The following IMMP2L variants were observed in gnomAD, a reference collection of about 807,000 sequenced individuals.
IMMP2L encodes the protein inner mitochondrial membrane peptidase subunit 2, also known as mitochondrial inner membrane protease subunit 2.
In IMMP2L, 18 loss-of-function variants were observed where a neutral mutation model predicts 19.3. The observed-to-expected ratio is 0.93, with a 90% CI of 0.64 to 1.38. The LOEUF (loss-of-function observed/expected upper bound fraction) is 1.38, where lower values mean the gene tolerates loss of function less well. IMMP2L is among the 40% of genes most tolerant of loss of function. The pLI, the probability that IMMP2L is intolerant of heterozygous loss-of-function variation, is 0.00. For synonymous variants in IMMP2L, 76 were observed against 73.0 expected (o/e 1.04, Z -0.21); for missense variants, 233 against 218.2 (o/e 1.07, Z -0.43).
chr7:111,124,844 G>A (rs1386970858), intron 3 of IMMP2L: 1 of 1,589,052 alleles, frequency 6.3e-7, no homozygotes, highest in East Asian at 2.3e-5. Context: ...AAAGAAAAAA[G>A]TACATCACTG....
intron 3 of IMMP2L, among the ~76,000 whole-genome samples, chr7:111,214,515 T>G (rs940282122): frequency 6.9e-5 from 10 of 144,106 alleles, no homozygotes; most frequent in Non-Finnish European, 9.1e-5. Flanking sequence ...TTTTTTTTTT[T>G]TTTTTTTTTT....
Position 110,924,971 on chromosome 7 carries a change from A to G in IMMP2L, c.306-38276T>C, listed in dbSNP as rs1303772869. Reference sequence around the variant, plus strand: ...TAAAAACTTTCAACTACATCTAACCATTCATAGTTATGCATGATAAGGGAA... The same window carrying G: ...TAAAAACTTTCAACTACATCTAACCGTTCATAGTTATGCATGATAAGGGAA... On this transcript the variant is annotated intron_variant, in intron 4 of 5. Coordinates refer to ENST00000405709, the MANE Select transcript of IMMP2L (RefSeq NM_032549.4). This position sits in a 1 kb window ranked among gnomAD's most constrained non-coding sequence, Gnocchi z 4.2. Among the ~76,000 whole-genome samples, 2 of 152,180 alleles carry G rather than the reference A, an allele frequency of 1.3e-5. No homozygotes were observed. The highest frequency in any genetic ancestry group is 3.2e-3 in the Middle Eastern group (1 of 316).
chr7:110,667,649 G>A (rs1255920247), intron 5 of IMMP2L, among the ~76,000 whole-genome samples: 2 of 152,122 alleles, frequency 1.3e-5, no homozygotes, highest in Non-Finnish European at 2.9e-5. Context: ...GCAGCCTCTC[G>A]AAGCCAGAGA....
intron 3 of IMMP2L, among the ~76,000 whole-genome samples, chr7:111,280,773 G>C (rs770809543): frequency 3.0e-4 from 46 of 152,122 alleles, no homozygotes; most frequent in Non-Finnish European, 4.0e-4. Context: ...GAACAACAAA[G>C]AAAGGAGTGA....
chr7:111,452,727 A>G (rs566213068), intron 3 of IMMP2L, among the ~76,000 whole-genome samples: 53 of 152,112 alleles, frequency 3.5e-4, no homozygotes, highest in Non-Finnish European at 6.3e-4. Flanking sequence ...AAAACTAAGG[A>G]GCAGGTTGCT....
intron 3 of IMMP2L, among the ~76,000 whole-genome samples, chr7:111,377,250 T>C (rs2131174448): frequency 6.6e-6 from 1 of 152,062 alleles, no homozygotes. Context: ...TATGTAAATA[T>C]ATATATGTGT....
In IMMP2L at chr7:111,442,610, G is replaced by A. The variant is rs370845547; in HGVS notation, c.239+44628C>T. 2.5e-3 allele frequency among the ~76,000 whole-genome samples: 383 copies of A among 151,806 alleles called. 13 individuals are homozygous for A. The highest frequency in any genetic ancestry group is 8.7e-3 in the African/African-American group (360 of 41,208). On this transcript the variant is annotated intron_variant, in intron 3 of 5. Coordinates refer to ENST00000405709, the MANE Select transcript of IMMP2L (RefSeq NM_032549.4). The stretch of plus-strand genomic sequence containing the variant: ...AATGGTCTGTGCTAATGAGAAGGCC[G>A]AAGTGTCAACCGCAATATGTCTGTA...
chr7:111,110,402 AATAAT>A (rs1799065625), intron 3 of IMMP2L, among the ~76,000 whole-genome samples: 1 of 152,194 alleles, frequency 6.6e-6, no homozygotes, highest in African/African-American at 2.4e-5. Flanking sequence ...TATTCACTGA[AATAAT>A]ATCTTATCTT....
At chr7:111,441,419 A>C (rs539840720) in intron 3 of IMMP2L, among the ~76,000 whole-genome samples, 1 of 151,850 alleles carries the variant, frequency 6.6e-6, no homozygotes, top group South Asian at 2.1e-4. Flanking sequence ...GGTAAGCCCA[A>C]GGGGAGGGAG....
intron 3 of IMMP2L, among the ~76,000 whole-genome samples, chr7:111,278,017 G>A (rs1230665850): frequency 6.6e-6 from 1 of 152,066 alleles, no homozygotes; most frequent in Admixed American, 6.6e-5. Flanking sequence ...TTATAAGTGG[G>A]AGCTAAACAA....
At chr7:111,229,211 A>G (rs2129623429) in intron 3 of IMMP2L, among the ~76,000 whole-genome samples, 1 of 152,170 alleles carries the variant, frequency 6.6e-6, no homozygotes, top group East Asian at 1.9e-4. Flanking sequence ...TTAATTCTTA[A>G]TATTTTTATA....
chr7:110,879,683 T>A (rs1809447288), intron 5 of IMMP2L, among the ~76,000 whole-genome samples: 1 of 152,162 alleles, frequency 6.6e-6, no homozygotes, highest in Non-Finnish European at 1.5e-5. Context: ...GTTTGCATAA[T>A]TGTCTTAATA....
chr7:111,326,996 C>T (rs62466713), intron 3 of IMMP2L, among the ~76,000 whole-genome samples: 67 of 151,120 alleles, frequency 4.4e-4, no homozygotes, highest in African/African-American at 1.4e-3. Flanking sequence ...ATAAGGAAAA[C>T]GTAGTACATT....
intron 5 of IMMP2L, among the ~76,000 whole-genome samples, chr7:110,685,563 C>T (rs1009057498): frequency 6.6e-6 from 1 of 151,978 alleles, no homozygotes; most frequent in Non-Finnish European, 1.5e-5. Flanking sequence ...AGGAGTTATG[C>T]CCTTGAGAAA....
chr7:110,735,642 A>G (rs1199170431), intron 5 of IMMP2L, among the ~76,000 whole-genome samples: 1 of 121,456 alleles, frequency 8.2e-6, no homozygotes, highest in African/African-American at 2.9e-5. Context: ...AAATATATAT[A>G]TATTAGACAA....
intron 3 of IMMP2L, among the ~76,000 whole-genome samples, chr7:110,992,229 A>G (rs2129559739): frequency 6.6e-6 from 1 of 152,230 alleles, no homozygotes; most frequent in South Asian, 2.1e-4. Context: ...TTTAATAAAT[A>G]TTTATTAATT....
At chr7:111,344,911 A>G (rs1827382355) in intron 3 of IMMP2L, among the ~76,000 whole-genome samples, 1 of 152,142 alleles carries the variant, frequency 6.6e-6, no homozygotes, top group African/African-American at 2.4e-5. Context: ...TGGCACCTAA[A>G]GGCACCAGGA....
chr7:111,077,190 T>A (rs13238762), intron 3 of IMMP2L, among the ~76,000 whole-genome samples: 13,747 of 152,308 alleles, frequency 0.09, 655 homozygotes, highest in Middle Eastern at 0.17. Flanking sequence ...AATTTCTTGT[T>A]ACAAATCTGA....
At chr7:111,107,086 C>T (rs925377519) in intron 3 of IMMP2L, among the ~76,000 whole-genome samples, 15 of 151,882 alleles carry the variant, frequency 9.9e-5, no homozygotes, top group Admixed American at 9.9e-4. Flanking sequence ...TTTGCAGATG[C>T]TCATGAATAG....
Sources: allele counts gnomAD v4.1 joint callset (sites outside exome capture counted in the v4.1 genomes callset), GRCh38; gene constraint gnomAD v4.1.1; non-coding constraint Gnocchi (gnomAD v3.1); transcripts MANE v1.5; gene names NCBI Gene and HGNC (gene_info 2026-07-23, HGNC 2026-07-21).